Variants in TRDN observed in about 807,000 individuals in gnomAD.
TRDN encodes triadin in skeletal muscle.
A neutral mutation model predicts 149.7 loss-of-function variants in TRDN; 161 were observed. The ratio of observed to expected loss-of-function variants is 1.08; its 90% confidence interval spans 0.95 to 1.23. The LOEUF is 1.23. Among genes scored for constraint, TRDN ranks in the 50% most tolerant of loss-of-function variants. The pLI, the probability that TRDN is intolerant of heterozygous loss-of-function variation, is 0.00. For synonymous variants in TRDN, 294 were observed against 250.5 expected (o/e 1.17, Z -1.64); for missense variants, 896 against 823.5 (o/e 1.09, Z -1.08).
chr6:123,586,351 G>C (rs370239384), intron 1 of TRDN, among the ~76,000 whole-genome samples: 5 of 151,968 alleles, frequency 3.3e-5, no homozygotes, highest in East Asian at 3.9e-4. Flanking sequence ...GAGGAGGGGA[G>C]AGGTCAGATG....
intron 1 of TRDN, among the ~76,000 whole-genome samples, chr6:123,620,503 C>T (rs1453872585): frequency 6.6e-6 from 1 of 152,100 alleles, no homozygotes; most frequent in African/African-American, 2.4e-5. Context: ...GGAAAGAATG[C>T]CTAGTATACC....
chr6:123,327,120 G>A (rs1166538323), intron 23 of TRDN, among the ~76,000 whole-genome samples: 3 of 151,914 alleles, frequency 2.0e-5, no homozygotes, highest in Non-Finnish European at 4.4e-5. Context: ...TCCTACATGA[G>A]AAACAAGTGT....
rs766427461 is a variant in TRDN, at chr6:123,352,536, TA to T, written c.1369+2del. The T allele has an allele frequency of 1.2e-6, 2 of 1,610,158 alleles. No homozygotes were observed. Among genetic ancestry groups the T allele is most frequent in the Non-Finnish European group, 1.7e-6 (2 of 1,178,142 alleles). ...AATGTCAACCTCCTTCATTTTTTTT[TA>T]CCTTGCTCCACTGTCTTGGTTGTTT... On this transcript the variant is annotated splice_donor_variant, in intron 21 of 40. Coordinates refer to ENST00000334268, the MANE Select transcript of TRDN (RefSeq NM_006073.4). LOFTEE classifies it high-confidence loss of function.
intron 10 of TRDN, among the ~76,000 whole-genome samples, chr6:123,446,769 A>G (rs1187975784): frequency 6.6e-6 from 1 of 152,128 alleles, no homozygotes; most frequent in East Asian, 1.9e-4. Flanking sequence ...AGGTTTAAGC[A>G]GAGAAGTTAT....
intron 33 of TRDN, 74 bp downstream of exon 33, chr6:123,265,244 T>A (rs560052468): frequency 2.0e-4 from 236 of 1,151,306 alleles, no homozygotes; most frequent in Non-Finnish European, 2.7e-4. Context: ...TTAACTTCAG[T>A]TATAACTCAA....
At chr6:123,277,770 C>T (rs1354431326) in intron 26 of TRDN, among the ~76,000 whole-genome samples, 4 of 152,156 alleles carry the variant, frequency 2.6e-5, no homozygotes, top group African/African-American at 9.7e-5. Flanking sequence ...AACTGTGAGA[C>T]AATAAATTTC....
intron 38 of TRDN, among the ~76,000 whole-genome samples, chr6:123,248,480 C>G (rs960769389): frequency 6.6e-6 from 1 of 152,002 alleles, no homozygotes; most frequent in Non-Finnish European, 1.5e-5. Flanking sequence ...TTGCTTGAAC[C>G]CAGGAGGCAG....
At chr6:123,536,693 A>G (rs966853625) in intron 4 of TRDN, among the ~76,000 whole-genome samples, 9 of 142,468 alleles carry the variant, frequency 6.3e-5, no homozygotes, top group African/African-American at 2.4e-4. Context: ...TCTACAATAA[A>G]TAAATAAATA....
At chr6:123,305,276 C>G (rs890694276) in intron 24 of TRDN, among the ~76,000 whole-genome samples, 2 of 152,096 alleles carry the variant, frequency 1.3e-5, no homozygotes, top group South Asian at 2.1e-4. Flanking sequence ...GGCTTCCTAG[C>G]TTCAAGAGTT....
intron 16 of TRDN, among the ~76,000 whole-genome samples, chr6:123,378,843 T>C (rs1266649111): frequency 6.6e-6 from 1 of 152,158 alleles, no homozygotes; most frequent in Non-Finnish European, 1.5e-5. Context: ...TTATATAGCG[T>C]TTCTTTTCAG....
intron 23 of TRDN, among the ~76,000 whole-genome samples, chr6:123,321,930 A>G (rs1416574878): frequency 2.0e-5 from 3 of 152,138 alleles, no homozygotes; most frequent in African/African-American, 7.2e-5. Context: ...TAGATTGCCA[A>G]AAGAAGAAAT....
Position 123,218,530 on chromosome 6 carries a change from C to A in TRDN, c.*71G>T. On this transcript the variant is annotated 3_prime_UTR_variant, in exon 41 of 41. Transcript: ENST00000334268. ...TCTCTGGGTTGCATATTCTTAATTGCCTGAACTACTGTGGACAAAACATCA... is the reference window on the plus strand; with the variant it reads ...TCTCTGGGTTGCATATTCTTAATTGACTGAACTACTGTGGACAAAACATCA... 1.3e-6 allele frequency: 2 copies of A among 1,511,074 alleles called. No individual in the cohort carries two copies. Among genetic ancestry groups the A allele is most frequent in the Non-Finnish European group, 1.8e-6 (2 of 1,123,996 alleles). 93.6% of individuals were successfully genotyped at this position (1,511,074 alleles called of 1,614,324 possible).
intron 19 of TRDN, among the ~76,000 whole-genome samples, chr6:123,374,551 T>C (rs145149933): frequency 3.6e-4 from 55 of 152,112 alleles, no homozygotes; most frequent in African/African-American, 1.2e-3. Context: ...TCAATGTCTA[T>C]GTGTATACTT....
At chr6:123,315,655 A>G (rs1385366624) in intron 24 of TRDN, among the ~76,000 whole-genome samples, 3 of 151,934 alleles carry the variant, frequency 2.0e-5, no homozygotes, top group Non-Finnish European at 4.4e-5. Flanking sequence ...TATAGATACA[A>G]CTTTCTTTTG....
intron 10 of TRDN, among the ~76,000 whole-genome samples, chr6:123,463,721 A>G (rs968887378): frequency 2.6e-5 from 4 of 151,392 alleles, no homozygotes; most frequent in African/African-American, 4.8e-5. Flanking sequence ...GTGAACTATT[A>G]TAGTCCAAAT....
chr6:123,219,191 A>G lies in TRDN; in HGVS notation c.2051-451T>C, dbSNP rs1042613315. On this transcript the variant is annotated intron_variant, in intron 40 of 40. Transcript: ENST00000334268. ...TCACAGAGAGGTGGTGCCAACATCT[A>G]GAAGTTTTATTTGCCCTTACTTTAG... 2.0e-5 allele frequency among the ~76,000 whole-genome samples: 3 copies of G among 152,016 alleles called. No homozygotes were observed. In the East Asian group the frequency reaches 5.8e-4, roughly 30 times the overall value.
At chr6:123,414,431 G>T (rs1241832144) in intron 12 of TRDN, among the ~76,000 whole-genome samples, 1 of 152,092 alleles carries the variant, frequency 6.6e-6, no homozygotes, top group Non-Finnish European at 1.5e-5. Context: ...GCTGTCCATG[G>T]AATATATTGG....
intron 6 of TRDN, among the ~76,000 whole-genome samples, 181 bp from the exon 7 acceptor site, chr6:123,512,543 A>G (rs1249357875): frequency 6.6e-6 from 1 of 152,166 alleles, no homozygotes; most frequent in Non-Finnish European, 1.5e-5. Flanking sequence ...ATTGAATTCA[A>G]TGTTAAAGTC....
At chr6:123,586,393 A>C (rs1457955222) in intron 1 of TRDN, among the ~76,000 whole-genome samples, 4 of 152,038 alleles carry the variant, frequency 2.6e-5, no homozygotes, top group African/African-American at 9.7e-5. Flanking sequence ...AGAAAGACTC[A>C]GTGATGCTTG....
Sources: allele counts gnomAD v4.1 joint callset (sites outside exome capture counted in the v4.1 genomes callset), GRCh38; gene constraint gnomAD v4.1.1; transcripts MANE v1.5; gene names NCBI Gene and HGNC (gene_info 2026-07-23, HGNC 2026-07-21).